The following UTRN variants were observed in gnomAD, a reference collection of about 807,000 sequenced individuals.
UTRN encodes the protein utrophin.
Under a neutral mutation model 463.9 loss-of-function variants are expected in UTRN, and 283 were observed. That is an observed-to-expected ratio of 0.61 (90% CI 0.55 to 0.67). UTRN has a LOEUF of 0.67. UTRN is among the 30% of genes least tolerant of loss of function. UTRN has a pLI of 0.00. For synonymous variants in UTRN, 1,442 were observed against 1,431.5 expected, an observed-to-expected ratio of 1.01 and a Z score of -0.17; for missense variants, 3,922 against 4,084.3, an observed-to-expected ratio of 0.96 and a Z score of 1.08.
At chr6:144,365,156 G>C (rs1779405382) in intron 2 of UTRN, among the ~76,000 whole-genome samples, 1 of 152,136 alleles carries the variant, frequency 6.6e-6, no homozygotes, top group Non-Finnish European at 1.5e-5. Flanking sequence ...TTTTAAAAAA[G>C]AACATCTGCA....
At chr6:144,849,196 G>T (rs1782278209) in intron 74 of UTRN, among the ~76,000 whole-genome samples, 1 of 151,986 alleles carries the variant, frequency 6.6e-6, no homozygotes, top group Non-Finnish European at 1.5e-5. Flanking sequence ...GAGGCATAGG[G>T]TCACAAAAAG....
rs576932809 is a variant in UTRN at position 144,782,624 on chromosome 6, G to A, written c.8834+501G>A. On this transcript the variant is annotated intron_variant, in intron 61 of 74. Coordinates refer to ENST00000367545, the MANE Select transcript of UTRN (RefSeq NM_007124.3). ...TTATTTGCATAGTGGTTATGTGTGT[G>A]TGTATATATATATAATATATATATA... Among the ~76,000 whole-genome samples, 4 of 138,324 alleles carry A rather than the reference G, an allele frequency of 2.9e-5. No individual in the cohort carries two copies. The South Asian group carries it at 6.8e-4, about 24-fold the overall frequency. 90.7% of individuals were successfully genotyped at this position (138,324 alleles called of 152,430 possible).
At chr6:144,494,896 C>T (rs1050695798) in intron 33 of UTRN, among the ~76,000 whole-genome samples, 1 of 152,064 alleles carries the variant, frequency 6.6e-6, no homozygotes, top group African/African-American at 2.4e-5. Context: ...CTCTAAGGCC[C>T]CACCAGAGTA....
At chr6:144,654,718 C>T (rs1779152346) in intron 51 of UTRN, among the ~76,000 whole-genome samples, 1 of 152,230 alleles carries the variant, frequency 6.6e-6, no homozygotes, top group South Asian at 2.1e-4. Context: ...TTGTTTCCCT[C>T]TTGTCTGATG....
chr6:144,554,517 A>G (rs963915603), intron 48 of UTRN, among the ~76,000 whole-genome samples, 171 bp from the exon 49 acceptor site: 6 of 152,254 alleles, frequency 3.9e-5, no homozygotes, highest in African/African-American at 1.4e-4. Context: ...TCAGAAATAT[A>G]TCAATTGTAT....
chr6:144,448,512 T>C, intron 16 of UTRN, 88 bp from the exon 17 acceptor site: 1 of 1,415,804 alleles, frequency 7.1e-7, no homozygotes, highest in Non-Finnish European at 9.7e-7. Flanking sequence ...TTAAATTGTG[T>C]ATTTCAAAGA....
At chr6:144,748,122 C>A in intron 54 of UTRN, 124 bp from the exon 55 acceptor site, 1 of 1,254,564 alleles carries the variant, frequency 8.0e-7, no homozygotes, top group East Asian at 2.6e-5. Context: ...CAATTTTTAC[C>A]CTGGAGTAAT....
At chr6:144,846,709 T>G in intron 73 of UTRN, 96 bp from the exon 74 acceptor site, 1 of 1,533,870 alleles carries the variant, frequency 6.5e-7, no homozygotes, top group Non-Finnish European at 9.0e-7. Context: ...TTACCCTATG[T>G]AGAGTGATAC....
intron 34 of UTRN, among the ~76,000 whole-genome samples, chr6:144,507,479 T>C (rs2128588541): frequency 6.6e-6 from 1 of 152,286 alleles, no homozygotes; most frequent in South Asian, 2.1e-4. Flanking sequence ...TTGATGTTAA[T>C]GTTGTTGCTT....
Position 144,577,271 on chromosome 6 carries a change from C to T in UTRN, c.7462C>T (p.Leu2488Phe). 8 of 1,613,740 alleles carry T rather than the reference C, an allele frequency of 5.0e-6. No homozygotes were observed. The highest frequency in any genetic ancestry group is 2.2e-5 in the South Asian group (2 of 91,066). ...ALQDSILARE[L>F]KQQMQDIQAE... ...TCAGGATAGTATCTTGGCCAGGGAACTCAAACAGCAGATGCAGGTAAGTGC... is the reference window on the plus strand; with the variant it reads ...TCAGGATAGTATCTTGGCCAGGGAATTCAAACAGCAGATGCAGGTAAGTGC... Residue 2488 changes from leucine to phenylalanine, a missense_variant, in exon 51 of 75, where the codon CTC becomes TTC. Coordinates refer to ENST00000367545, the MANE Select transcript of UTRN (RefSeq NM_007124.3).
At chr6:144,651,790 G>T (rs1358982240) in intron 51 of UTRN, among the ~76,000 whole-genome samples, 1 of 152,072 alleles carries the variant, frequency 6.6e-6, no homozygotes, top group African/African-American at 2.4e-5. Flanking sequence ...TCCAGTTTGT[G>T]TCTTGCCTTT....
chr6:144,431,490 T>C (rs79735779), intron 9 of UTRN, among the ~76,000 whole-genome samples: 4,675 of 152,310 alleles, frequency 0.031, 130 homozygotes, highest in East Asian at 0.14. Context: ...CTCCTAATAG[T>C]CAGACTTCTT....
intron 57 of UTRN, among the ~76,000 whole-genome samples, chr6:144,757,236 TAAAA>T (rs375711274): frequency 8.7e-6 from 1 of 115,544 alleles, no homozygotes. Flanking sequence ...ACTAGAATTG[TAAAA>T]AAAAAAAAAA....
intron 53 of UTRN, among the ~76,000 whole-genome samples, chr6:144,722,429 G>A (rs2128709627): frequency 6.6e-6 from 1 of 151,922 alleles, no homozygotes; most frequent in South Asian, 2.1e-4. Context: ...CATCCTGTGT[G>A]GTAGATTTTT....
intron 53 of UTRN, among the ~76,000 whole-genome samples, chr6:144,704,020 C>T (rs1484300790): frequency 6.6e-6 from 1 of 151,996 alleles, no homozygotes; most frequent in Non-Finnish European, 1.5e-5. Flanking sequence ...AGAGAGGATA[C>T]CAGCTCAAAC....
At chr6:144,761,217 T>TC (rs1218135876) in intron 58 of UTRN, among the ~76,000 whole-genome samples, 2 of 152,128 alleles carry the variant, frequency 1.3e-5, no homozygotes, top group African/African-American at 4.8e-5. Flanking sequence ...AGCATAAACC[T>TC]CTCTATTTGT....
At chr6:144,332,127 A>G (rs904620665) in intron 2 of UTRN, among the ~76,000 whole-genome samples, 3 of 152,182 alleles carry the variant, frequency 2.0e-5, no homozygotes, top group African/African-American at 7.2e-5. Context: ...ACCTGCTTAG[A>G]GAAGCCTGTC....
At position 144,448,788 on chromosome 6, in the gene UTRN, A is replaced by G; in HGVS notation, c.2072+19A>G. The G allele has an allele frequency of 6.2e-7, 1 of 1,610,976 alleles. No homozygotes were observed. ...AGAAAAAGTGAGAAGAGATAGAGAA[A>G]TTGTTCAAATCCAATATTGCACATA... On this transcript the variant is annotated intron_variant, in intron 17 of 74. Transcript: ENST00000367545.
intron 2 of UTRN, among the ~76,000 whole-genome samples, chr6:144,376,174 G>A (rs553037603): frequency 6.6e-6 from 1 of 151,980 alleles, no homozygotes; most frequent in East Asian, 1.9e-4. Flanking sequence ...AAAGTTTTTT[G>A]GGTCGGGCCG....
Sources: allele counts gnomAD v4.1 joint callset (sites outside exome capture counted in the v4.1 genomes callset), GRCh38; gene constraint gnomAD v4.1.1; transcripts MANE v1.5; gene names NCBI Gene and HGNC (gene_info 2026-07-23, HGNC 2026-07-21).